VPS53: variants seen among roughly 807,000 people sequenced by gnomAD.
VPS53 encodes VPS53 subunit of GARP complex.
In VPS53, 70 loss-of-function variants were observed where a neutral mutation model predicts 107.0. The observed-to-expected ratio is 0.65, with a 90% CI of 0.54 to 0.80. The LOEUF is 0.80. VPS53 is among the 30% of genes least tolerant of loss of function. The probability of loss-of-function intolerance (pLI) is 0.00; values close to 1 mark genes in which losing one functional copy is unlikely to be tolerated. For synonymous variants in VPS53, 409 were observed against 393.3 expected (o/e 1.04, Z -0.47); for missense variants, 917 against 1,049.4 (o/e 0.87, Z 1.74).
chr17:647,955 T>C (rs1437993306), intron 7 of VPS53, among the ~76,000 whole-genome samples: 2 of 152,186 alleles, frequency 1.3e-5, no homozygotes, highest in Non-Finnish European at 2.9e-5. Flanking sequence ...CCGCTGTCCG[T>C]GTCTGCACCC....
intron 4 of VPS53, among the ~76,000 whole-genome samples, chr17:662,554 T>C (rs1171565157): frequency 6.6e-6 from 1 of 151,858 alleles, no homozygotes; most frequent in Admixed American, 6.6e-5. Context: ...CCAGGCACAG[T>C]GGCACGCACC....
chr17:654,566 G>A (rs974591389), intron 6 of VPS53, among the ~76,000 whole-genome samples: 6 of 151,786 alleles, frequency 4.0e-5, no homozygotes, highest in South Asian at 2.1e-4. Context: ...GCGAAACCCC[G>A]TCTCTACTAA....
intron 13 of VPS53, among the ~76,000 whole-genome samples, chr17:569,532 T>G (rs1448959724): frequency 2.0e-5 from 3 of 152,062 alleles, no homozygotes; most frequent in Admixed American, 2.0e-4. Flanking sequence ...AATCCATGAG[T>G]CCATGCTGAC....
chr17:554,552 C>A (rs373395374), intron 15 of VPS53, among the ~76,000 whole-genome samples: 1 of 152,092 alleles, frequency 6.6e-6, no homozygotes, highest in African/African-American at 2.4e-5. Context: ...TACAGGCGTG[C>A]ATCACCATGT....
rs1597301137 is a variant in VPS53 at position 560,566 on chromosome 17, T to C, written c.1564A>G (p.Thr522Ala). ...ILSGNLPKTT[T>A]SSGGLTISSL... The stretch of plus-strand genomic sequence containing the variant: ...CTGATAGTCAGTCCTCCACTGCTGG[T>C]TGTGGTTCTGAAGAAAAGGAACAGG... The change falls in exon 15 of 22, where the codon ACC becomes GCC. Residue 522 changes from threonine (T) to alanine (A), a missense_variant. Coordinates refer to ENST00000437048, the MANE Select transcript of VPS53 (RefSeq NM_001128159.3). 3.1e-6 allele frequency: 5 copies of C among 1,613,660 alleles called. No individual in the cohort carries two copies. Among genetic ancestry groups the C allele is most frequent in the East Asian group, 2.2e-5 (1 of 44,878 alleles).
chr17:639,881 T>C (rs1970354392), intron 7 of VPS53, among the ~76,000 whole-genome samples: 1 of 152,330 alleles, frequency 6.6e-6, no homozygotes, highest in East Asian at 1.9e-4. Flanking sequence ...TGTCCATTCT[T>C]AGATCTCAAA....
intron 13 of VPS53, among the ~76,000 whole-genome samples, chr17:568,571 C>T (rs1913761961): frequency 6.6e-6 from 1 of 152,314 alleles, no homozygotes; most frequent in African/African-American, 2.4e-5. Context: ...TTCAAGGGTA[C>T]TCCCACTAAT....
In VPS53 at chr17:512,888, G is replaced by A. The variant is rs536412160; in HGVS notation, c.*6240C>T. ...ACAGGATGGACTCATGCGTGCAGGA[G>A]AGAAATCACTTGGCCGTCACTGGAA... is the stretch of plus-strand genomic sequence containing the variant. On this transcript the variant is annotated 3_prime_UTR_variant, in exon 22 of 22. Coordinates refer to ENST00000437048, the MANE Select transcript of VPS53 (RefSeq NM_001128159.3). 6 of 152,422 alleles carry A rather than the reference G, an allele frequency of 3.9e-5. No homozygotes were observed. The highest frequency in any genetic ancestry group is 3.9e-4 in the East Asian group (2 of 5,190). 9.4% of individuals were successfully genotyped at this position (152,422 alleles called of 1,614,324 possible).
At chr17:558,363 G>C (rs531007047) in intron 15 of VPS53, among the ~76,000 whole-genome samples, 1 of 152,308 alleles carries the variant, frequency 6.6e-6, no homozygotes, top group East Asian at 1.9e-4. Flanking sequence ...GCTACTCACA[G>C]TGGCTCACGT....
chr17:579,383 C>T (rs2151878613), intron 13 of VPS53, among the ~76,000 whole-genome samples: 1 of 151,532 alleles, frequency 6.6e-6, no homozygotes, highest in East Asian at 2.0e-4. Flanking sequence ...GAACCTCCCT[C>T]AGAATCTCAG....
chr17:705,070 T>C (rs973310138), intron 2 of VPS53, among the ~76,000 whole-genome samples: 1 of 152,148 alleles, frequency 6.6e-6, no homozygotes, highest in African/African-American at 2.4e-5. Context: ...TGCCAAAATA[T>C]TCACAATGAT....
At chr17:645,507 T>C (rs901145068) in intron 7 of VPS53, among the ~76,000 whole-genome samples, 1 of 152,236 alleles carries the variant, frequency 6.6e-6, no homozygotes, top group African/African-American at 2.4e-5. Flanking sequence ...TTAAAATTTT[T>C]CATAAAGTCC....
intron 4 of VPS53, among the ~76,000 whole-genome samples, chr17:680,302 A>C (rs1488298000): frequency 6.6e-6 from 1 of 152,192 alleles, no homozygotes; most frequent in Non-Finnish European, 1.5e-5. Context: ...TCAAAATAAC[A>C]ACAACAAAAA....
At chr17:612,649 C>G (rs1968944146) in intron 11 of VPS53, among the ~76,000 whole-genome samples, 1 of 149,492 alleles carries the variant, frequency 6.7e-6, no homozygotes, top group Non-Finnish European at 1.5e-5. Flanking sequence ...ACAGCGAAAA[C>G]CTGTACAGAT....
intron 11 of VPS53, among the ~76,000 whole-genome samples, chr17:608,830 C>G (rs537158849): frequency 6.6e-6 from 1 of 152,022 alleles, no homozygotes; most frequent in South Asian, 2.1e-4. Context: ...CCAGGCTGGT[C>G]TCAAACTCCT....
rs1437738059 is a variant in VPS53, at chr17:512,661, C to G, written c.*6467G>C. 1 of 152,162 alleles carries G rather than the reference C, an allele frequency of 6.6e-6. No individual in the cohort carries two copies. The highest frequency in any genetic ancestry group is 2.4e-5 in the African/African-American group (1 of 41,424). The allele number at this position is 152,162 out of a possible 1,614,324, so 9.4% of individuals were successfully genotyped here. A position where few individuals can be genotyped will look rare whatever the true frequency, so the allele number is the denominator to read the frequency against. On this transcript the variant is annotated 3_prime_UTR_variant, in exon 22 of 22. Transcript: ENST00000437048. ...GAAAGAATGGAAACGAGGTAATGATCCTGGAGCCTAATGGAAGGGCCGCAG... is the reference window on the plus strand; with the variant it reads ...GAAAGAATGGAAACGAGGTAATGATGCTGGAGCCTAATGGAAGGGCCGCAG...
At chr17:590,420 T>C (rs1209007792) in intron 12 of VPS53, among the ~76,000 whole-genome samples, 1 of 151,072 alleles carries the variant, frequency 6.6e-6, no homozygotes, top group Non-Finnish European at 1.5e-5. Flanking sequence ...CTATGTTGAA[T>C]AGGAGTGGTG....
chr17:629,486 G>A (rs948659738), intron 8 of VPS53, among the ~76,000 whole-genome samples: 12 of 152,246 alleles, frequency 7.9e-5, no homozygotes, highest in South Asian at 2.1e-4. Context: ...GGCTGGGAGC[G>A]GTGGCTCACG....
intron 13 of VPS53, among the ~76,000 whole-genome samples, chr17:571,522 C>CTACAG (rs879772905): frequency 0.26 from 36,448 of 139,438 alleles, 4,591 homozygotes; most frequent in African/African-American, 0.45. Flanking sequence ...CTCCCTCTCC[C>CTACAG]TCTCCCTACG....
Sources: allele counts gnomAD v4.1 joint callset (sites outside exome capture counted in the v4.1 genomes callset), GRCh38; gene constraint gnomAD v4.1.1; transcripts MANE v1.5; gene names NCBI Gene and HGNC (gene_info 2026-07-23, HGNC 2026-07-21).